POLR3G: variants seen among roughly 807,000 people sequenced by gnomAD.
POLR3G encodes the protein RNA polymerase III subunit G, also known as DNA-directed RNA polymerase III subunit RPC7.
Under a neutral mutation model 30.1 loss-of-function variants are expected in POLR3G, and 28 were observed. That is an observed-to-expected ratio of 0.93 (90% CI 0.69 to 1.27). The LOEUF is 1.27. Among genes scored for constraint, POLR3G ranks in the 50% most tolerant of loss-of-function variants. The pLI, the probability that POLR3G is intolerant of heterozygous loss-of-function variation, is 0.00. For synonymous variants in POLR3G, 79 were observed against 82.5 expected (o/e 0.96, Z 0.23); for missense variants, 254 against 264.6 (o/e 0.96, Z 0.28).
intron 3 of POLR3G, among the ~76,000 whole-genome samples, chr5:90,495,174 GTA>G (rs1382035694): frequency 1.3e-5 from 2 of 152,160 alleles, no homozygotes; most frequent in Non-Finnish European, 2.9e-5. Flanking sequence ...AGAAAAATCA[GTA>G]TATATTTGGT....
At chr5:90,508,135 CTGTTTT>C (rs1016668473) in intron 7 of POLR3G, among the ~76,000 whole-genome samples, 25 of 152,282 alleles carry the variant, frequency 1.6e-4, no homozygotes, top group African/African-American at 5.8e-4. Context: ...AACATGTTTT[CTGTTTT>C]TAAGTCAGCT....
intron 1 of POLR3G, among the ~76,000 whole-genome samples, chr5:90,480,120 A>G (rs538666555): frequency 6.6e-6 from 1 of 152,346 alleles, no homozygotes; most frequent in Admixed American, 6.5e-5. Flanking sequence ...GAATGACTCA[A>G]TGAAATTGGG....
intron 7 of POLR3G, among the ~76,000 whole-genome samples, chr5:90,508,846 G>A (rs998503755): frequency 2.0e-5 from 3 of 152,054 alleles, no homozygotes; most frequent in Non-Finnish European, 2.9e-5. Context: ...GGTGGATCAC[G>A]AGGTCAGGAG....
intron 5 of POLR3G, 65 bp downstream of exon 5, chr5:90,497,771 G>T: frequency 6.5e-7 from 1 of 1,536,918 alleles, no homozygotes; most frequent in South Asian, 1.2e-5. Flanking sequence ...CTGTTAATAT[G>T]GATTTGTCAA....
intron 4 of POLR3G, among the ~76,000 whole-genome samples, chr5:90,496,680 C>T (rs1365605443): frequency 2.6e-5 from 4 of 152,228 alleles, no homozygotes; most frequent in Non-Finnish European, 5.9e-5. Context: ...CAGGTCTTCT[C>T]ATTTTAATTC....
At chr5:90,490,848 A>G (rs1461798990) in intron 3 of POLR3G, 1 of 160,942 alleles carries the variant, frequency 6.2e-6, no homozygotes, top group African/African-American at 2.4e-5. Flanking sequence ...AATTTATATA[A>G]TATCCATGCT....
chr5:90,478,089 G>A (rs1750927674), intron 1 of POLR3G, among the ~76,000 whole-genome samples: 1 of 152,194 alleles, frequency 6.6e-6, no homozygotes, highest in Non-Finnish European at 1.5e-5. Flanking sequence ...AGACGTGGAG[G>A]ACAAGACATT....
At chr5:90,500,330 C>T (rs144960814) in intron 5 of POLR3G, among the ~76,000 whole-genome samples, 376 of 151,464 alleles carry the variant, frequency 2.5e-3, no homozygotes, top group African/African-American at 8.7e-3. Context: ...AGAAACTATT[C>T]AAATATATGC....
intron 3 of POLR3G, among the ~76,000 whole-genome samples, chr5:90,492,623 C>G (rs1197273635): frequency 6.6e-6 from 1 of 152,142 alleles, no homozygotes; most frequent in Non-Finnish European, 1.5e-5. Flanking sequence ...TGGCTCACCC[C>G]TGTAATCCCA....
intron 5 of POLR3G, among the ~76,000 whole-genome samples, 179 bp downstream of exon 5, chr5:90,497,885 C>T (rs191124513): frequency 6.6e-6 from 1 of 152,150 alleles, no homozygotes; most frequent in East Asian, 1.9e-4. Context: ...GTGGGAGGAT[C>T]ACTTGAGCCC....
At chr5:90,475,127 A>G (rs1280484547) in intron 1 of POLR3G, 107 bp downstream of exon 1, 3 of 152,250 alleles carry the variant, frequency 2.0e-5, no homozygotes, top group African/African-American at 7.2e-5. Flanking sequence ...GATTCATTAA[A>G]GCGCCTCTGG....
Position 90,512,287 on chromosome 5 carries a change from G to A in POLR3G, c.*148G>A. ...TTACCAAAATATTCAAAACCACTTT[G>A]AGTTTACATACTAGTTACCTTAAAA... On this transcript the variant is annotated 3_prime_UTR_variant, in exon 8 of 8. Coordinates refer to ENST00000651687, the MANE Select transcript of POLR3G (RefSeq NM_006467.3). 5.2e-6 allele frequency: 3 copies of A among 580,390 alleles called. No homozygotes were observed. Among genetic ancestry groups the A allele is most frequent in the Non-Finnish European group, 6.3e-6 (2 of 317,780 alleles). The allele number at this position is 580,390 out of a possible 1,614,324, so 36.0% of individuals were successfully genotyped here.
chr5:90,486,999 A>G lies in POLR3G; in HGVS notation c.118-1001A>G, dbSNP rs555807268. On this transcript the variant is annotated intron_variant, in intron 2 of 7. Transcript: ENST00000651687. ...CTCTGAAATCAGAAATGTCTTTACT[A>G]GGTACCCTGGAGATCCACTTGTTAA... 5.9e-5 allele frequency among the ~76,000 whole-genome samples: 9 copies of G among 152,324 alleles called. No homozygotes were observed. The South Asian group carries it at 1.0e-3, about 18-fold the overall frequency.
chr5:90,474,324 T>C, upstream of POLR3G: 2 of 1,598,874 alleles, frequency 1.3e-6, no homozygotes, highest in Non-Finnish European at 1.7e-6. Flanking sequence ...GCGGGGTGAG[T>C]GTGGGCGTGC....
At chr5:90,502,594 C>T (rs1752298305) in intron 6 of POLR3G, among the ~76,000 whole-genome samples, 1 of 151,914 alleles carries the variant, frequency 6.6e-6, no homozygotes, top group Admixed American at 6.6e-5. Context: ...TATTCCTGTC[C>T]CTAGTCATCC....
At position 90,514,521 on chromosome 5, in the gene POLR3G, A is replaced by C. The variant is rs1161499928; in HGVS notation, c.*2382A>C. 1 of 152,220 alleles carries C rather than the reference A, an allele frequency of 6.6e-6. No individual in the cohort carries two copies. Among genetic ancestry groups the C allele is most frequent in the Non-Finnish European group, 1.5e-5 (1 of 68,032 alleles). 9.4% of individuals were successfully genotyped at this position (152,220 alleles called of 1,614,324 possible). ...CTATTAAGCAGGGATGTTTGTTCCA[A>C]ATATTCTTGAATAAACAATCACCAC... On this transcript the variant is annotated 3_prime_UTR_variant, in exon 8 of 8. Coordinates refer to ENST00000651687, the MANE Select transcript of POLR3G (RefSeq NM_006467.3).
chr5:90,496,649 G>A (rs939031274), intron 4 of POLR3G, among the ~76,000 whole-genome samples: 1 of 152,236 alleles, frequency 6.6e-6, no homozygotes, highest in African/African-American at 2.4e-5. Context: ...GTCAGGCCAT[G>A]TGGCCAATAC....
At chr5:90,501,801 C>T in intron 5 of POLR3G, 105 bp from the exon 6 acceptor site, 1 of 1,266,044 alleles carries the variant, frequency 7.9e-7, no homozygotes, top group Non-Finnish European at 1.1e-6. Context: ...TATGTGACTG[C>T]CTAGGATGCA....
intron 1 of POLR3G, among the ~76,000 whole-genome samples, chr5:90,482,970 G>A (rs1225666916): frequency 6.6e-6 from 1 of 151,940 alleles, no homozygotes; most frequent in Non-Finnish European, 1.5e-5. Context: ...GAGAAACCCC[G>A]TCTCTACTAA....
Sources: allele counts gnomAD v4.1 joint callset (sites outside exome capture counted in the v4.1 genomes callset), GRCh38; gene constraint gnomAD v4.1.1; transcripts MANE v1.5; gene names NCBI Gene and HGNC (gene_info 2026-07-23, HGNC 2026-07-21).